C14orf39: variants seen among roughly 807,000 people sequenced by gnomAD.
C14orf39 encodes chromosome 14 open reading frame 39.
Under a neutral mutation model 85.6 loss-of-function variants are expected in C14orf39, and 66 were observed. The ratio of observed to expected loss-of-function variants is 0.77; its 90% CI spans 0.63 to 0.95. The LOEUF (loss-of-function observed/expected upper bound fraction) is 0.95, where lower values mean the gene tolerates loss of function less well. Among genes scored for constraint, C14orf39 ranks in the 40% least tolerant of loss-of-function variants. C14orf39 has a pLI of 0.00. For missense variants in C14orf39, 735 were observed against 663.9 expected (o/e 1.11, Z -1.18); for synonymous variants, 242 against 214.0 (o/e 1.13, Z -1.14).
intron 1 of C14orf39, among the ~76,000 whole-genome samples, chr14:60,508,113 T>C (rs186086469): frequency 5.3e-5 from 8 of 152,294 alleles, no homozygotes; most frequent in Admixed American, 2.0e-4. Context: ...GGCCCCCGCA[T>C]TGTCGTGGAT....
chr14:60,485,350 C>A (rs933488127), intron 1 of C14orf39, among the ~76,000 whole-genome samples: 1 of 152,194 alleles, frequency 6.6e-6, no homozygotes, highest in Non-Finnish European at 1.5e-5. Context: ...CCCGCATAAC[C>A]GCTTATGCGT....
Position 60,484,904 on chromosome 14 carries a change from T to C in C14orf39, c.83A>G (p.Glu28Gly). Residue 28 changes from glutamate (E) to glycine (G), a missense_variant, in exon 3 of 18, where the codon GAA becomes GGA. Coordinates refer to ENST00000321731, the MANE Select transcript of C14orf39 (RefSeq NM_174978.3). This position sits in a 1 kb window ranked among gnomAD's most constrained non-coding sequence, Gnocchi z 4.2. ...FQYEQDISTK[E>G]EMIQRINKCC... ...ACTATTAATTCTTTGAATCATCTCTTCTTTAGTACTTATGTCTTGCTCATA... is the reference window on the plus strand; with the variant it reads ...ACTATTAATTCTTTGAATCATCTCTCCTTTAGTACTTATGTCTTGCTCATA... The C allele has an allele frequency of 6.4e-7, 1 of 1,568,004 alleles. No individual in the cohort carries two copies. The highest frequency in any genetic ancestry group is 8.7e-7 in the Non-Finnish European group (1 of 1,153,126).
intron 1 of C14orf39, among the ~76,000 whole-genome samples, chr14:60,513,750 C>T (rs987147199): frequency 3.3e-5 from 5 of 152,288 alleles, no homozygotes; most frequent in Admixed American, 6.5e-5. Flanking sequence ...ATGTCCATTC[C>T]GCAGTGTCAA....
At chr14:60,512,230 G>C (rs1052159130) in intron 1 of C14orf39, 10 of 152,118 alleles carry the variant, frequency 6.6e-5, no homozygotes, top group Admixed American at 6.5e-4. Flanking sequence ...GCCAAACTAT[G>C]GGACTCAATA....
chr14:60,497,687 C>T (rs8018429), intron 2 of C14orf39, among the ~76,000 whole-genome samples: 25,361 of 152,056 alleles, frequency 0.17, 2,715 homozygotes, highest in East Asian at 0.46. Flanking sequence ...ACTAGCCTAG[C>T]CCACATGGTG....
intron 1 of C14orf39, among the ~76,000 whole-genome samples, chr14:60,505,203 C>T (rs1893187541): frequency 6.6e-6 from 1 of 152,096 alleles, no homozygotes; most frequent in African/African-American, 2.4e-5. Context: ...ACAAGGTGCA[C>T]AATGGCAGGG....
At chr14:60,513,185 T>G (rs1379213559) in intron 1 of C14orf39, among the ~76,000 whole-genome samples, 1 of 152,230 alleles carries the variant, frequency 6.6e-6, no homozygotes, top group African/African-American at 2.4e-5. Context: ...AAAACTCTCT[T>G]GCACAAGAGC....
chr14:60,509,192 C>G, intron 1 of C14orf39: 1 of 594,618 alleles, frequency 1.7e-6, no homozygotes. Context: ...CCGAGCCGAG[C>G]CCGAACCCCA....
intron 1 of C14orf39, among the ~76,000 whole-genome samples, chr14:60,507,862 G>A (rs1349732907): frequency 6.6e-6 from 1 of 152,146 alleles, no homozygotes; most frequent in African/African-American, 2.4e-5. Context: ...TTTTCCTGGC[G>A]TTTTTGTTAT....
chr14:60,474,262 CTT>C (rs1457155888), intron 5 of C14orf39, among the ~76,000 whole-genome samples: 6 of 152,196 alleles, frequency 3.9e-5, no homozygotes, highest in African/African-American at 1.4e-4. Context: ...TATCCTGAGA[CTT>C]TGCTGAAGTT....
rs1206459007 is a variant in C14orf39, at chr14:60,458,715, G to C, written c.1142C>G (p.Thr381Arg). The C allele has an allele frequency of 2.5e-6, 4 of 1,601,682 alleles. No homozygotes were observed. In the South Asian group the frequency reaches 3.4e-5, roughly 13 times the overall value. The change falls in exon 14 of 18, where the codon ACA becomes AGA. Residue 381 changes from threonine (T) to arginine (R), a missense_variant. Physicochemically the swap from Thr to Arg is moderately conservative, Grantham distance 71 (BLOSUM62 -1). Coordinates refer to ENST00000321731, the MANE Select transcript of C14orf39 (RefSeq NM_174978.3). ...TTTTGATTCTCTTACTTGTCTTACT[G>C]TCCCTTTATCTCCATACTCAGCATC... is the stretch of plus-strand genomic sequence containing the variant. ...DKDAEYGDKG[T>R]VRQVRESKCT... is the part of the protein sequence containing the mutation.
At chr14:60,447,954 A>C (rs1379040264) in intron 16 of C14orf39, among the ~76,000 whole-genome samples, 1 of 152,220 alleles carries the variant, frequency 6.6e-6, no homozygotes, top group African/African-American at 2.4e-5. Flanking sequence ...AGGATTCCCT[A>C]TTTAATAAAT....
chr14:60,436,639 A>G lies in C14orf39; in HGVS notation c.*206T>C. ...ACCTGACCACGGCTCGCAAAATCAA[A>G]ACCAAAATAAATAATGATTAGTTAA... On this transcript the variant is annotated 3_prime_UTR_variant, in exon 18 of 18. Transcript: ENST00000321731. The G allele has an allele frequency of 2.7e-6, 1 of 368,268 alleles. No homozygotes were observed. The allele number at this position is 368,268 out of a possible 1,614,324, so 22.8% of individuals were successfully genotyped here.
rs1424406948 is a variant in C14orf39, at chr14:60,471,570, TTG to T, written c.491_492del (p.Thr164AsnfsTer16). 1.3e-6 allele frequency: 2 copies of T among 1,592,676 alleles called. No individual in the cohort carries two copies. Among genetic ancestry groups the T allele is most frequent in the Admixed American group, 1.8e-5 (1 of 54,310 alleles). ...ACTEQLKMNETIFMKFRVPAP... is the reference protein window; with the variant it reads ...ACTEQLKMNEXIFMKFRVPAP... ...TTAATACCTCGAAATTTCATAAAAA[TTG>T]TTTCATTCATTTTTAATTGTTCAGT... is the stretch of plus-strand genomic sequence containing the variant. On this transcript the variant is annotated frameshift_variant, in exon 6 of 18. Transcript: ENST00000321731. LOFTEE classifies it high-confidence loss of function.
intron 4 of C14orf39, among the ~76,000 whole-genome samples, chr14:60,481,731 A>C (rs976314823): frequency 2.6e-5 from 4 of 152,186 alleles, no homozygotes; most frequent in Admixed American, 6.5e-5. Context: ...ATTTCTGCAC[A>C]TGTATTAGAC....
In C14orf39 at chr14:60,468,491, C is replaced by A. The variant is rs368938292; in HGVS notation, c.721G>T (p.Glu241Ter). ...TTTTCTGTATTTTTGTTCTTTTCTT[C>A]CAGAGTTTCTGAAAGAGCCTTAGTT... is the stretch of plus-strand genomic sequence containing the variant. ...NETKALSETL[E>*]EKNKNTENRK... The change falls in exon 9 of 18, where the codon GAA becomes TAA. Residue 241 changes from glutamate to a stop codon, truncating the protein, a stop_gained. Transcript: ENST00000321731. LOFTEE classifies it high-confidence loss of function. 6.3e-7 allele frequency: 1 copy of A among 1,596,608 alleles called. No homozygotes were observed. Among genetic ancestry groups the A allele is most frequent in the Non-Finnish European group, 8.5e-7 (1 of 1,170,536 alleles).
At chr14:60,513,745 C>T (rs868355980) in intron 1 of C14orf39, among the ~76,000 whole-genome samples, 1 of 152,164 alleles carries the variant, frequency 6.6e-6, no homozygotes, top group Non-Finnish European at 1.5e-5. Flanking sequence ...AGAAAATGTC[C>T]ATTCCGCAGT....
At chr14:60,506,400 G>C (rs1032454530) in intron 1 of C14orf39, among the ~76,000 whole-genome samples, 3 of 152,170 alleles carry the variant, frequency 2.0e-5, no homozygotes, top group African/African-American at 7.2e-5. Context: ...CACAGCTTTC[G>C]TCTGGCAAAC....
intron 16 of C14orf39, among the ~76,000 whole-genome samples, chr14:60,448,579 C>G (rs879577785): frequency 1.3e-5 from 2 of 151,970 alleles, no homozygotes; most frequent in Admixed American, 1.3e-4. Flanking sequence ...TTACAGTGTT[C>G]GTGGGAGTGT....
Sources: allele counts gnomAD v4.1 joint callset (sites outside exome capture counted in the v4.1 genomes callset), GRCh38; gene constraint gnomAD v4.1.1; non-coding constraint Gnocchi (gnomAD v3.1); transcripts MANE v1.5; gene names NCBI Gene and HGNC (gene_info 2026-07-23, HGNC 2026-07-21).